Variants in LARGE1 observed in about 807,000 individuals in gnomAD.
The protein encoded by LARGE1 is LARGE xylosyl- and glucuronyltransferase 1.
In LARGE1, 43 loss-of-function variants were observed where a neutral mutation model predicts 87.6. The ratio of observed to expected loss-of-function variants is 0.49; its 90% CI spans 0.38 to 0.63. LARGE1 has a LOEUF of 0.63. Among genes scored for constraint, LARGE1 ranks in the 30% least tolerant of loss-of-function variants. The pLI, the probability that LARGE1 is intolerant of heterozygous loss-of-function variation, is 0.00. For synonymous variants in LARGE1, 434 were observed against 394.6 expected (o/e 1.10, Z -1.18); for missense variants, 802 against 1,000.2 (o/e 0.80, Z 2.67).
chr22:33,692,865 C>T (rs1157489881), intron 2 of LARGE1, among the ~76,000 whole-genome samples: 1 of 152,150 alleles, frequency 6.6e-6, no homozygotes, highest in Non-Finnish European at 1.5e-5. Flanking sequence ...AGGCAGAGAA[C>T]TACCATTCAA....
the LARGE1 span, chr22:33,110,693 A>G: frequency 1.3e-5 from 2 of 152,226 alleles, no homozygotes; most frequent in African/African-American, 4.8e-5. Context: ...TTCCAAGTCC[A>G]AGTCCAAACT....
intron 6 of LARGE1, among the ~76,000 whole-genome samples, chr22:33,519,229 C>CGT (rs1383308422): frequency 7.3e-6 from 1 of 136,672 alleles, no homozygotes; most frequent in Non-Finnish European, 1.6e-5. Flanking sequence ...TGCGTGCGTG[C>CGT]GCGCGCGTGT....
chr22:33,848,244 A>T (rs2063488553), intron 1 of LARGE1, among the ~76,000 whole-genome samples: 1 of 152,194 alleles, frequency 6.6e-6, no homozygotes, highest in African/African-American at 2.4e-5. Flanking sequence ...ACTAGTTGAA[A>T]ATCTTTCGCC....
chr22:33,813,264 AAAAAAAATTAGTGCCACTCTAAGAATC>A (rs2086554307), intron 1 of LARGE1, among the ~76,000 whole-genome samples: 1 of 152,040 alleles, frequency 6.6e-6, no homozygotes, highest in Non-Finnish European at 1.5e-5. Context: ...GAAAAAAAAA[AAAAAAAATTAGTGCCACTCTAAGAATC>A]AACAAGCTTC....
At position 33,673,636 on chromosome 22, in the gene LARGE1, A is replaced by T. The variant is rs554926635; in HGVS notation, c.107-22968T>A. 1.6e-4 allele frequency among the ~76,000 whole-genome samples: 25 copies of T among 152,352 alleles called. No individual in the cohort carries two copies. In the East Asian group the frequency reaches 4.4e-3, roughly 27 times the overall value. On this transcript the variant is annotated intron_variant, in intron 2 of 14. Coordinates refer to ENST00000397394, the MANE Select transcript of LARGE1 (RefSeq NM_133642.5). ...GCAGCCATCATCACTATCCATCTCCAGAACTTTTTCATCTTGTAAAACACA... is the reference window on the plus strand; with the variant it reads ...GCAGCCATCATCACTATCCATCTCCTGAACTTTTTCATCTTGTAAAACACA...
intron 9 of LARGE1, among the ~76,000 whole-genome samples, chr22:33,352,885 A>C (rs1940521691): frequency 6.6e-6 from 1 of 152,254 alleles, no homozygotes; most frequent in African/African-American, 2.4e-5. Flanking sequence ...ATAAAAGTTT[A>C]TAATTAAAAA....
intron 7 of LARGE1, among the ~76,000 whole-genome samples, chr22:33,413,813 T>C (rs530281639): frequency 1.4e-4 from 21 of 152,270 alleles, no homozygotes; most frequent in Non-Finnish European, 2.4e-4. Flanking sequence ...ACACAAGGCA[T>C]AGTGAGCCCC....
At chr22:33,299,063 T>C (rs1297606047) in intron 12 of LARGE1, among the ~76,000 whole-genome samples, 1 of 150,642 alleles carries the variant, frequency 6.6e-6, no homozygotes, top group Non-Finnish European at 1.5e-5. Flanking sequence ...AAAAAAAAAA[T>C]TGGCCCAGCA....
chr22:33,082,572 A>G, the LARGE1 span, among the ~76,000 whole-genome samples: 1 of 152,180 alleles, frequency 6.6e-6, no homozygotes, highest in Non-Finnish European at 1.5e-5. Flanking sequence ...AGTCTGAGCA[A>G]TCTACGCATT....
At chr22:33,217,879 A>G (rs1258035348) in intron 11 of LARGE1, among the ~76,000 whole-genome samples, 1 of 152,036 alleles carries the variant, frequency 6.6e-6, no homozygotes, top group Admixed American at 6.6e-5. Flanking sequence ...TTAGCCTTTC[A>G]AAGTGCTGGT....
At chr22:33,740,389 C>G (rs1350755181) in intron 2 of LARGE1, among the ~76,000 whole-genome samples, 2 of 152,182 alleles carry the variant, frequency 1.3e-5, no homozygotes, top group African/African-American at 4.8e-5. Context: ...TTCTTGCTTC[C>G]CACCTTTCTA....
chr22:33,630,518 C>A (rs2080074532), intron 3 of LARGE1, among the ~76,000 whole-genome samples: 1 of 152,088 alleles, frequency 6.6e-6, no homozygotes, highest in Admixed American at 6.5e-5. Flanking sequence ...TACACTGAAT[C>A]CTGTAGACAA....
At chr22:33,643,781 C>A (rs557087593) in intron 3 of LARGE1, among the ~76,000 whole-genome samples, 1 of 152,272 alleles carries the variant, frequency 6.6e-6, no homozygotes, top group Admixed American at 6.5e-5. Context: ...ATACTGTAAA[C>A]ATCTCTACAC....
intron 2 of LARGE1, among the ~76,000 whole-genome samples, chr22:33,683,701 A>G (rs924000620): frequency 2.0e-5 from 3 of 152,210 alleles, no homozygotes; most frequent in African/African-American, 7.2e-5. Flanking sequence ...ACTGAGGAAT[A>G]GAATGGTTAG....
intron 6 of LARGE1, among the ~76,000 whole-genome samples, chr22:33,562,238 G>GAGAT (rs1289310066): frequency 2.0e-5 from 3 of 152,210 alleles, no homozygotes; most frequent in Non-Finnish European, 4.4e-5. Flanking sequence ...ATATGGAGAA[G>GAGAT]AGATGAGCTT....
intron 2 of LARGE1, among the ~76,000 whole-genome samples, chr22:33,651,389 C>CAA (rs59002897): frequency 0.082 from 4,408 of 53,828 alleles, 608 homozygotes; most frequent in African/African-American, 0.27. Flanking sequence ...GACTCCGTCT[C>CAA]AAAAAAAAAA....
In LARGE1 at chr22:33,711,889, G is replaced by C. The variant is rs1318849875; in HGVS notation, c.106+49482C>G. On this transcript the variant is annotated intron_variant, in intron 2 of 14. Transcript: ENST00000397394. ...TTGCGTAGGTCACTCTTGAACTCCC[G>C]GCCTCAAGTAGTCCTCTTGCATCAG... is the stretch of plus-strand genomic sequence containing the variant. 2.6e-5 allele frequency among the ~76,000 whole-genome samples: 4 copies of C among 152,120 alleles called. No individual in the cohort carries two copies. The East Asian group carries it at 7.7e-4, about 29-fold the overall frequency.
intron 5 of LARGE1, among the ~76,000 whole-genome samples, chr22:33,596,723 T>C (rs1172478390): frequency 6.6e-6 from 1 of 152,100 alleles, no homozygotes; most frequent in Admixed American, 6.5e-5. Context: ...AAGAAGTTAA[T>C]TACAGTCATC....
At chr22:33,459,962 T>A (rs1019657372) in intron 6 of LARGE1, among the ~76,000 whole-genome samples, 20 of 152,200 alleles carry the variant, frequency 1.3e-4, no homozygotes, top group African/African-American at 4.8e-4. Flanking sequence ...TGGGCACTGA[T>A]AAGTGCTACA....
Sources: gnomAD v4.1 joint callset for allele counts (sites outside exome capture counted in the v4.1 genomes callset) on GRCh38, gnomAD v4.1.1 for gene constraint, MANE v1.5 for transcripts, NCBI Gene and HGNC (gene_info 2026-07-23, HGNC 2026-07-21) for gene names.